The following ADGRA2 variants were observed in gnomAD, a reference collection of about 807,000 sequenced individuals.
The protein encoded by ADGRA2 is adhesion G protein-coupled receptor A2, also known as G-protein coupled receptor 124.
ADGRA2 carries 61 observed loss-of-function variants against 98.7 expected under a neutral mutation model. The ratio of observed to expected loss-of-function variants is 0.62; its 90% CI spans 0.50 to 0.76. The LOEUF (loss-of-function observed/expected upper bound fraction) is 0.76, where lower values mean the gene tolerates loss of function less well. Ranked by LOEUF, ADGRA2 falls within the 30% of genes least tolerant of loss-of-function variation. The pLI is 0.00. For missense variants in ADGRA2, 1,712 were observed against 1,860.0 expected, an observed-to-expected ratio of 0.92 and a Z score of 1.46; for synonymous variants, 858 against 831.5, an observed-to-expected ratio of 1.03 and a Z score of -0.55.
In ADGRA2 at chr8:37,840,191, A is replaced by C; in HGVS notation, c.2582A>C (p.His861Pro). 6.2e-7 allele frequency: 1 copy of C among 1,612,288 alleles called. No homozygotes were observed. Reference protein sequence around the residue: ...LWMGVKARVLHKELTWRAPPP... With the variant: ...LWMGVKARVLPKELTWRAPPP... ...ATGGGCGTGAAGGCGCGAGTGCTCCATAAGGAGCTCACCTGGAGGGCACCC... is the reference window on the plus strand; with the variant it reads ...ATGGGCGTGAAGGCGCGAGTGCTCCCTAAGGAGCTCACCTGGAGGGCACCC... The change falls in exon 17 of 19, where the codon CAT becomes CCT. Residue 861 changes from histidine (H) to proline (P), a missense_variant. Transcript: ENST00000412232.
At chr8:37,838,078 T>A (rs763258730) in intron 14 of ADGRA2, 139 bp downstream of exon 14, 1 of 737,730 alleles carries the variant, frequency 1.4e-6, no homozygotes, top group Non-Finnish European at 2.1e-6. Flanking sequence ...CCATGAGTGG[T>A]GGGATGTGGG....
At chr8:37,820,686 A>G (rs563943591) in intron 2 of ADGRA2, among the ~76,000 whole-genome samples, 1 of 152,374 alleles carries the variant, frequency 6.6e-6, no homozygotes, top group South Asian at 2.1e-4. Context: ...CGGAAGCTCC[A>G]GGCTGTTGCA....
intron 8 of ADGRA2, among the ~76,000 whole-genome samples, chr8:37,832,667 A>G (rs909133838): frequency 1.3e-5 from 2 of 152,226 alleles, no homozygotes; most frequent in African/African-American, 4.8e-5. Flanking sequence ...TTAAGATCCC[A>G]GTGACCCTCT....
At chr8:37,818,873 A>G (rs371702820) in intron 2 of ADGRA2, among the ~76,000 whole-genome samples, 3 of 152,196 alleles carry the variant, frequency 2.0e-5, no homozygotes, top group Non-Finnish European at 2.9e-5. Context: ...TGCTGATGAC[A>G]TGCCTGGGCC....
At chr8:37,822,383 G>A (rs900101935) in intron 2 of ADGRA2, among the ~76,000 whole-genome samples, 2 of 104,180 alleles carry the variant, frequency 1.9e-5, no homozygotes, top group African/African-American at 9.6e-5. Flanking sequence ...CTGTATGTGG[G>A]TACACACACA....
rs1420138822 is a variant in ADGRA2, at chr8:37,802,038, G to A, written c.266+4504G>A. Among the ~76,000 whole-genome samples the A allele has an allele frequency of 2.6e-5, 4 of 152,252 alleles. No individual in the cohort carries two copies. Among genetic ancestry groups the A allele is most frequent in the Admixed American group, 2.0e-4 (3 of 15,290 alleles). ...CACCACGCAGGCTGCCCACCTAGGG[G>A]AGAAGAGGCTGTCTGCCGCAGGTGT... On this transcript the variant is annotated intron_variant, in intron 1 of 18. Transcript: ENST00000412232. This position sits in a 1 kb window ranked among gnomAD's most constrained non-coding sequence, Gnocchi z 4.7.
At chr8:37,809,774 G>T (rs111535074) in intron 1 of ADGRA2, among the ~76,000 whole-genome samples, 5,206 of 152,270 alleles carry the variant, frequency 0.034, 274 homozygotes, top group African/African-American at 0.11. Context: ...CTCAGCCCTT[G>T]CCTCCCAGCA....
chr8:37,831,992 G>A (rs144263386), intron 8 of ADGRA2, among the ~76,000 whole-genome samples: 7 of 152,272 alleles, frequency 4.6e-5, no homozygotes, highest in African/African-American at 1.7e-4. Flanking sequence ...CCCAGGAGGC[G>A]GAGGTTGCAG....
rs1359832661 is a variant in ADGRA2 at position 37,842,552 on chromosome 8, A to G, written c.*197A>G. The G allele has an allele frequency of 4.3e-6, 4 of 934,768 alleles. No individual in the cohort carries two copies. Among genetic ancestry groups the G allele is most frequent in the Admixed American group, 4.0e-5 (1 of 24,772 alleles). The allele number at this position is 934,768 out of a possible 1,614,324, so 57.9% of individuals were successfully genotyped here. On this transcript the variant is annotated 3_prime_UTR_variant, in exon 19 of 19. Transcript: ENST00000412232. ...GCGACAGACAATCCCAGAAACACGCATAATACATTTCCGTCCAGCCCGGGG... is the reference window on the plus strand; with the variant it reads ...GCGACAGACAATCCCAGAAACACGCGTAATACATTTCCGTCCAGCCCGGGG...
chr8:37,812,787 A>G (rs536665488), intron 1 of ADGRA2, among the ~76,000 whole-genome samples: 9 of 151,640 alleles, frequency 5.9e-5, no homozygotes, highest in African/African-American at 2.2e-4. Context: ...CTCCTCCCTC[A>G]GGCTCCTGAG....
chr8:37,831,062 A>C lies in ADGRA2; in HGVS notation c.932+139A>C, dbSNP rs1482787727. 4.7e-6 allele frequency: 3 copies of C among 638,594 alleles called. No individual in the cohort carries two copies. In the African/African-American group the frequency reaches 5.5e-5, roughly 12 times the overall value. 39.6% of individuals were successfully genotyped at this position (638,594 alleles called of 1,614,324 possible). On this transcript the variant is annotated intron_variant, in intron 7 of 18. Transcript: ENST00000412232. ...TGTATATTTATGGAAAGACTGGACT[A>C]AGTTATCAATGGTCTAGATAGAGGC...
At position 37,841,483 on chromosome 8, in the gene ADGRA2, G is replaced by T; in HGVS notation, c.3145G>T (p.Val1049Leu). 2 of 1,613,014 alleles carry T rather than the reference G, an allele frequency of 1.2e-6. No individual in the cohort carries two copies. The highest frequency in any genetic ancestry group is 1.7e-6 in the Non-Finnish European group (2 of 1,179,852). ...AVSQRWLPRV[V>L]CSCLYGVAAS... ...GTCCCAGCGCTGGCTGCCCCGGGTG[G>T]TGTGCAGCTGCTTGTACGGGGTGGC... Residue 1049 changes from valine (V) to leucine (L), a missense_variant, in exon 19 of 19, where the codon GTG becomes TTG. Val to Leu is a conservative substitution (Grantham distance 32). Coordinates refer to ENST00000412232, the MANE Select transcript of ADGRA2 (RefSeq NM_032777.10). The surrounding 1 kb of genome is among the most constrained non-coding windows in gnomAD (Gnocchi z 5.0).
chr8:37,841,143 T>G lies in ADGRA2; in HGVS notation c.2805T>G (p.Ile935Met), dbSNP rs1431704568. Residue 935 changes from isoleucine (I) to methionine (M), a missense_variant, in exon 19 of 19, where the codon ATT (isoleucine) becomes ATG (methionine). Transcript: ENST00000412232. This position sits in a 1 kb window ranked among gnomAD's most constrained non-coding sequence, Gnocchi z 5.0. ...LGAFYIPVAL[I>M]LLITWIYFLC... ...CCTTCTACATCCCTGTGGCTTTGAT[T>G]CTGCTCATCACCTGGATCTATTTCC... 6.2e-7 allele frequency: 1 copy of G among 1,611,960 alleles called. No homozygotes were observed. The highest frequency in any genetic ancestry group is 8.5e-7 in the Non-Finnish European group (1 of 1,179,770).
chr8:37,827,479 T>G (rs1490090324), intron 2 of ADGRA2, among the ~76,000 whole-genome samples: 3 of 152,230 alleles, frequency 2.0e-5, no homozygotes, highest in Admixed American at 1.3e-4. Context: ...GGCAGAGAGT[T>G]GTGCCTAGGC....
At chr8:37,819,180 C>T (rs1805061842) in intron 2 of ADGRA2, among the ~76,000 whole-genome samples, 1 of 152,132 alleles carries the variant, frequency 6.6e-6, no homozygotes, top group African/African-American at 2.4e-5. Context: ...GTGTGGGACA[C>T]CCACAGCGCC....
At chr8:37,829,637 C>G in intron 5 of ADGRA2, 78 bp downstream of exon 5, 1 of 1,123,828 alleles carries the variant, frequency 8.9e-7, no homozygotes, top group South Asian at 1.2e-5. Context: ...AGTATCATGA[C>G]CACCAGGACT....
chr8:37,806,331 CTG>C (rs1444821292), intron 1 of ADGRA2, among the ~76,000 whole-genome samples: 1 of 152,124 alleles, frequency 6.6e-6, no homozygotes, highest in African/African-American at 2.4e-5. Flanking sequence ...GAATACCTAA[CTG>C]TGGATGATTA....
At chr8:37,831,118 T>C (rs1805440536) in intron 7 of ADGRA2, among the ~76,000 whole-genome samples, 195 bp downstream of exon 7, 1 of 152,246 alleles carries the variant, frequency 6.6e-6, no homozygotes, top group South Asian at 2.1e-4. Context: ...AACAAAATGA[T>C]GATACTTCAC....
rs375163748 is a variant in ADGRA2 at position 37,837,784 on chromosome 8, T to A, written c.2104T>A (p.Trp702Arg). 1.9e-6 allele frequency: 3 copies of A among 1,551,032 alleles called. No homozygotes were observed. In the East Asian group the frequency reaches 7.3e-5, roughly 38 times the overall value. ...GCCAGTGGCCGTTTCGCTGCGGCACTGGGCTGAGGGAGCCGAACCTGTGGC... is the reference window on the plus strand; with the variant it reads ...GCCAGTGGCCGTTTCGCTGCGGCACAGGGCTGAGGGAGCCGAACCTGTGGC... Reference protein sequence around the residue: ...TEPVAVSLRHWAEGAEPVAAW... With the variant: ...TEPVAVSLRHRAEGAEPVAAW... The change falls in exon 14 of 19, where the codon TGG becomes AGG. Residue 702 changes from tryptophan (W) to arginine (R), a missense_variant. Coordinates refer to ENST00000412232, the MANE Select transcript of ADGRA2 (RefSeq NM_032777.10).
Sources: allele counts gnomAD v4.1 joint callset (sites outside exome capture counted in the v4.1 genomes callset), GRCh38; gene constraint gnomAD v4.1.1; non-coding constraint Gnocchi (gnomAD v3.1); transcripts MANE v1.5; gene names NCBI Gene and HGNC (gene_info 2026-07-23, HGNC 2026-07-21).